The following TEX52 variants were observed in gnomAD, a reference collection of about 807,000 sequenced individuals.
The protein encoded by TEX52 is testis-expressed protein 52.
TEX52 carries 22 observed loss-of-function variants against 17.6 expected under a neutral mutation model. That is an observed-to-expected ratio of 1.25 (90% CI 0.89 to 1.78). TEX52 has a LOEUF of 1.78. Among genes scored for constraint, TEX52 ranks in the 40% most tolerant of loss-of-function variants. The probability of loss-of-function intolerance (pLI) is 0.00; values close to 1 mark genes in which losing one functional copy is unlikely to be tolerated. For synonymous variants in TEX52, 168 were observed against 147.4 expected (o/e 1.14, Z -1.01); for missense variants, 396 against 372.3 (o/e 1.06, Z -0.52).
intron 2 of TEX52, among the ~76,000 whole-genome samples, chr12:2,854,204 T>C (rs1300886921): frequency 6.6e-6 from 1 of 152,056 alleles, no homozygotes; most frequent in African/African-American, 2.4e-5. Context: ...TTTGTATTTT[T>C]AGTAGAGATG....
chr12:2,853,420 C>A (rs966047954), intron 2 of TEX52, among the ~76,000 whole-genome samples: 2 of 152,012 alleles, frequency 1.3e-5, no homozygotes, highest in South Asian at 2.1e-4. Flanking sequence ...TTACAGGCGC[C>A]TGCCACCACG....
chr12:2,854,752 C>A, intron 2 of TEX52, 144 bp downstream of exon 2: 1 of 857,544 alleles, frequency 1.2e-6, no homozygotes, highest in Non-Finnish European at 1.7e-6. Context: ...CTCGTCCTTC[C>A]AGCTACACTC....
chr12:2,856,461 G>A (rs1216729332), intron 1 of TEX52, among the ~76,000 whole-genome samples: 1 of 152,160 alleles, frequency 6.6e-6, no homozygotes, highest in African/African-American at 2.4e-5. Context: ...CACCTCCCGG[G>A]TTCAAGTGAT....
chr12:2,856,594 C>T (rs1032686167), intron 1 of TEX52, among the ~76,000 whole-genome samples: 2 of 152,202 alleles, frequency 1.3e-5, no homozygotes, highest in African/African-American at 4.8e-5. Context: ...AACTCCTAAC[C>T]TCAGGTGAAC....
At chr12:2,856,578 G>T (rs1260677651) in intron 1 of TEX52, among the ~76,000 whole-genome samples, 8 of 152,194 alleles carry the variant, frequency 5.3e-5, no homozygotes, top group Non-Finnish European at 1.2e-4. Flanking sequence ...GGCCAAGCTG[G>T]TCTCAAACTC....
intron 1 of TEX52, among the ~76,000 whole-genome samples, 172 bp downstream of exon 1, chr12:2,856,783 C>T (rs1181573425): frequency 1.3e-5 from 2 of 152,158 alleles, no homozygotes; most frequent in Non-Finnish European, 2.9e-5. Flanking sequence ...GGCATCTCCT[C>T]TCTGTTCTGA....
At chr12:2,848,890 C>T (rs1451581305), downstream of TEX52, 6 of 319,220 alleles carry the variant, frequency 1.9e-5, no homozygotes, top group East Asian at 3.9e-4. Context: ...CACACACACA[C>T]ACACACACAC....
chr12:2,855,095 G>T lies in TEX52; in HGVS notation c.424C>A (p.Pro142Thr). 8 of 1,535,932 alleles carry T rather than the reference G, an allele frequency of 5.2e-6. No homozygotes were observed. The highest frequency in any genetic ancestry group is 7.0e-6 in the Non-Finnish European group (8 of 1,146,774). ...AAGCTGTTTTGCCCCATCCAGGAGG[G>T]AGGGGGGATGGGGTGCTCCGTGGGG... ...CPPTEHPIPP[P>T]SWMGQNSFLT... is the part of the protein sequence containing the mutation. Residue 142 changes from proline to threonine, a missense_variant, in exon 2 of 3, where the codon CCC becomes ACC. By Grantham distance (38) the Pro-to-Thr change is conservative (BLOSUM62 -1). Coordinates refer to ENST00000637658, the MANE Select transcript of TEX52 (RefSeq NM_001365174.2).
At chr12:2,854,330 A>G (rs767951412) in intron 2 of TEX52, among the ~76,000 whole-genome samples, 5 of 152,204 alleles carry the variant, frequency 3.3e-5, no homozygotes, top group Non-Finnish European at 5.9e-5. Flanking sequence ...CTGCCATAAC[A>G]TCTAACTTTT....
rs534698503 is a variant in TEX52, at chr12:2,849,354, G to A, written c.795C>T (p.Asp265=). The A allele has an allele frequency of 1.3e-6, 2 of 1,536,162 alleles. No individual in the cohort carries two copies. The highest frequency in any genetic ancestry group is 8.7e-7 in the Non-Finnish European group (1 of 1,146,926). The change falls in exon 3 of 3, where the codon GAC becomes GAT. Residue 265 remains aspartate, a synonymous_variant. Coordinates refer to ENST00000637658, the MANE Select transcript of TEX52 (RefSeq NM_001365174.2). ...ALLPSAPLSQ[D]LIRDFQTLIK... Reference sequence around the variant, plus strand: ...TCAGGGTTTGGAAATCCCTTATGAGGTCCTGGCTCAGGGGCGCGCTGGGCA... The same window carrying A: ...TCAGGGTTTGGAAATCCCTTATGAGATCCTGGCTCAGGGGCGCGCTGGGCA...
intron 2 of TEX52, among the ~76,000 whole-genome samples, chr12:2,854,066 C>T (rs2098079657): frequency 6.6e-6 from 1 of 152,182 alleles, no homozygotes; most frequent in African/African-American, 2.4e-5. Flanking sequence ...TCTCTTGTTG[C>T]CCCGGCTGGA....
chr12:2,849,318 T>G lies in TEX52; in HGVS notation c.831A>C (p.Arg277Ser). Residue 277 changes from arginine to serine, a missense_variant, in exon 3 of 3, where the codon AGA (arginine) becomes AGC (serine). Coordinates refer to ENST00000637658, the MANE Select transcript of TEX52 (RefSeq NM_001365174.2). ...IRDFQTLIKD[R>S]TALPLHHLSK... ...AGAGATGGTGGAGGGGTAAGGCAGT[T>G]CTGTCCTTTATCAGGGTTTGGAAAT... 2 of 1,536,156 alleles carry G rather than the reference T, an allele frequency of 1.3e-6. No homozygotes were observed.
At chr12:2,854,655 G>C (rs1269978162) in intron 2 of TEX52, among the ~76,000 whole-genome samples, 1 of 152,172 alleles carries the variant, frequency 6.6e-6, no homozygotes, top group Non-Finnish European at 1.5e-5. Context: ...TGTGTCCCCA[G>C]TGCCTACCAG....
chr12:2,850,799 A>C (rs1164665887), intron 2 of TEX52, among the ~76,000 whole-genome samples: 2 of 151,454 alleles, frequency 1.3e-5, no homozygotes, highest in African/African-American at 4.8e-5. Flanking sequence ...CAGCCTCCCA[A>C]GTAGCTGGGA....
chr12:2,854,341 G>A (rs1244385726), intron 2 of TEX52, among the ~76,000 whole-genome samples: 8 of 152,180 alleles, frequency 5.3e-5, no homozygotes, highest in Admixed American at 1.3e-4. Context: ...TCTAACTTTT[G>A]TTCAGTTCTT....
downstream of TEX52, among the ~76,000 whole-genome samples, chr12:2,848,866 GACAC>G (rs57562074): frequency 0.013 from 1,457 of 115,864 alleles, 25 homozygotes; most frequent in African/African-American, 0.047. Context: ...CACCCCAACA[GACAC>G]ACACACGCAC....
At chr12:2,854,511 C>T (rs546618418) in intron 2 of TEX52, among the ~76,000 whole-genome samples, 1 of 152,320 alleles carries the variant, frequency 6.6e-6, no homozygotes, top group South Asian at 2.1e-4. Context: ...GCTTTCACTC[C>T]AGTTCTTTAC....
chr12:2,848,922 C>A (rs972748918), downstream of TEX52: 2 of 382,728 alleles, frequency 5.2e-6, no homozygotes, highest in African/African-American at 4.2e-5. Flanking sequence ...CTCCTTCCTT[C>A]CCACTTCTCC....
chr12:2,854,112 G>T (rs891299255), intron 2 of TEX52, among the ~76,000 whole-genome samples: 1 of 152,138 alleles, frequency 6.6e-6, no homozygotes, highest in African/African-American at 2.4e-5. Flanking sequence ...TGCAACCTCC[G>T]CCTCCCAGGT....
Sources: allele counts gnomAD v4.1 joint callset (sites outside exome capture counted in the v4.1 genomes callset), GRCh38; gene constraint gnomAD v4.1.1; transcripts MANE v1.5; gene names NCBI Gene and HGNC (gene_info 2026-07-23, HGNC 2026-07-21).